Variants in ROCK2 observed in about 807,000 individuals in gnomAD.
ROCK2 encodes the protein rho-associated protein kinase 2.
A neutral mutation model predicts 195.1 loss-of-function variants in ROCK2; 61 were observed. That is an observed-to-expected ratio of 0.31 (90% CI 0.25 to 0.39). ROCK2 has a LOEUF of 0.39. Ranked by LOEUF, ROCK2 falls within the 10% of genes least tolerant of loss-of-function variation. ROCK2 has a pLI of 1.00. For synonymous variants in ROCK2, 504 were observed against 545.5 expected, an observed-to-expected ratio of 0.92 and a Z score of 1.06; for missense variants, 1,109 against 1,637.4, an observed-to-expected ratio of 0.68 and a Z score of 5.57.
At chr2:11,239,141 T>C (rs546687388) in intron 4 of ROCK2, among the ~76,000 whole-genome samples, 40 of 152,238 alleles carry the variant, frequency 2.6e-4, no homozygotes, top group Middle Eastern at 6.8e-3. Flanking sequence ...AATATCTTAA[T>C]GAACCTAGAT....
chr2:11,216,465 G>A (rs1414732297), intron 12 of ROCK2, among the ~76,000 whole-genome samples: 1 of 150,488 alleles, frequency 6.6e-6, no homozygotes, highest in African/African-American at 2.4e-5. Context: ...GATTACAGGC[G>A]TGAGTCACCG....
At chr2:11,334,451 C>A (rs1310708096) in intron 1 of ROCK2, among the ~76,000 whole-genome samples, 1 of 133,050 alleles carries the variant, frequency 7.5e-6, no homozygotes, top group Admixed American at 9.2e-5. Context: ...GCAGAGATTG[C>A]GGTGAGCCGA....
At chr2:11,213,137 A>C (rs1296393775) in intron 17 of ROCK2, among the ~76,000 whole-genome samples, 2 of 152,164 alleles carry the variant, frequency 1.3e-5, no homozygotes, top group Admixed American at 6.5e-5. Context: ...CCAACCTTTT[A>C]ATGGCTGTAC....
intron 1 of ROCK2, among the ~76,000 whole-genome samples, chr2:11,303,821 A>G (rs1667776571): frequency 6.6e-6 from 1 of 152,128 alleles, no homozygotes; most frequent in African/African-American, 2.4e-5. Context: ...TCAGTGACCT[A>G]CATGTTGCTA....
intron 1 of ROCK2, among the ~76,000 whole-genome samples, chr2:11,316,453 T>C (rs1668194862): frequency 6.6e-6 from 1 of 152,174 alleles, no homozygotes; most frequent in Non-Finnish European, 1.5e-5. Context: ...CAGCTGAGAA[T>C]GGCAAATTAT....
At position 11,192,112 on chromosome 2, in the gene ROCK2, C is replaced by A; in HGVS notation, c.4163+36G>T. 8.9e-7 allele frequency: 1 copy of A among 1,121,244 alleles called. No individual in the cohort carries two copies. The highest frequency in any genetic ancestry group is 1.6e-5 in the South Asian group (1 of 60,850). 69.5% of individuals were successfully genotyped at this position (1,121,244 alleles called of 1,614,324 possible). A position where few individuals can be genotyped will look rare whatever the true frequency, so the allele number is the denominator to read the frequency against. ...ATAAATAGCAAAATATTTTAATAGA[C>A]TTTTTTTTTTTCCTTACCACATTTT... On this transcript the variant is annotated intron_variant, in intron 32 of 32. Transcript: ENST00000315872. This position sits in a 1 kb window ranked among gnomAD's most constrained non-coding sequence, Gnocchi z 5.0.
chr2:11,317,311 G>A (rs988276836), intron 1 of ROCK2, among the ~76,000 whole-genome samples: 1 of 151,524 alleles, frequency 6.6e-6, no homozygotes, highest in African/African-American at 2.4e-5. Flanking sequence ...TAAAGCAAAG[G>A]AGTTAGAAAA....
At chr2:11,241,111 AC>A (rs1164242535) in intron 4 of ROCK2, among the ~76,000 whole-genome samples, 4 of 152,218 alleles carry the variant, frequency 2.6e-5, no homozygotes, top group South Asian at 2.1e-4. Context: ...ACATCTCCCT[AC>A]AAGGATATAT....
At chr2:11,216,049 T>TAA (rs1318710442) in intron 13 of ROCK2, 109 bp downstream of exon 13, 1 of 817,048 alleles carries the variant, frequency 1.2e-6, no homozygotes, top group African/African-American at 1.7e-5. Context: ...TACTACAAGG[T>TAA]AGGTTTCAAG....
intron 3 of ROCK2, among the ~76,000 whole-genome samples, chr2:11,257,398 T>C (rs1666074763): frequency 1.3e-5 from 2 of 151,428 alleles, no homozygotes; most frequent in South Asian, 2.1e-4. Flanking sequence ...TGGTTGAAGA[T>C]TACGTTGGAA....
intron 1 of ROCK2, among the ~76,000 whole-genome samples, chr2:11,291,069 T>TA (rs909940157): frequency 1.3e-5 from 2 of 152,134 alleles, no homozygotes; most frequent in Admixed American, 6.5e-5. Flanking sequence ...CTGTATTTTT[T>TA]AAAAAAACAT....
intron 14 of ROCK2, 42 bp downstream of exon 14, chr2:11,215,468 A>T: frequency 6.2e-7 from 1 of 1,607,402 alleles, no homozygotes; most frequent in Non-Finnish European, 8.5e-7. Context: ...ACACACACTT[A>T]ATTTTTTTCT....
intron 1 of ROCK2, among the ~76,000 whole-genome samples, chr2:11,297,735 C>CT (rs1667580390): frequency 1.3e-5 from 2 of 152,038 alleles, no homozygotes; most frequent in South Asian, 2.1e-4. Context: ...AGTATTTTAC[C>CT]TTTTTGTGGC....
chr2:11,300,138 C>T (rs1432844506), intron 1 of ROCK2, among the ~76,000 whole-genome samples: 3 of 152,176 alleles, frequency 2.0e-5, no homozygotes, highest in Admixed American at 6.5e-5. Context: ...TTTCTAAAGG[C>T]TAATTACCAA....
intron 4 of ROCK2, among the ~76,000 whole-genome samples, chr2:11,239,528 A>G (rs1665349259): frequency 6.6e-6 from 1 of 152,226 alleles, no homozygotes; most frequent in Admixed American, 6.5e-5. Flanking sequence ...CTATGTACCT[A>G]CCTAAAAGAA....
At chr2:11,262,114 G>A (rs932540938) in intron 3 of ROCK2, among the ~76,000 whole-genome samples, 1 of 152,084 alleles carries the variant, frequency 6.6e-6, no homozygotes, top group African/African-American at 2.4e-5. Context: ...TAGTCTATGA[G>A]TACCTAAAGG....
At chr2:11,208,238 C>T (rs202064470) in intron 19 of ROCK2, 49 bp downstream of exon 19, 10 of 1,099,180 alleles carry the variant, frequency 9.1e-6, no homozygotes, top group Non-Finnish European at 1.2e-5. Flanking sequence ...ATGAATAAAC[C>T]TATTAATTCA....
At chr2:11,194,162 A>C (rs1358490414) in intron 29 of ROCK2, 94 bp downstream of exon 29, 18 of 517,474 alleles carry the variant, frequency 3.5e-5, no homozygotes, top group Non-Finnish European at 5.1e-5. Flanking sequence ...ACAATATTAC[A>C]GTAGGAGCTA....
intron 1 of ROCK2, among the ~76,000 whole-genome samples, chr2:11,305,008 C>T (rs1263303634): frequency 1.3e-5 from 2 of 151,384 alleles, no homozygotes; most frequent in Non-Finnish European, 2.9e-5. Flanking sequence ...GAGGGTTGGG[C>T]ACACTACAAT....
Sources: allele counts gnomAD v4.1 joint callset (sites outside exome capture counted in the v4.1 genomes callset), GRCh38; gene constraint gnomAD v4.1.1; non-coding constraint Gnocchi (gnomAD v3.1); transcripts MANE v1.5; gene names NCBI Gene and HGNC (gene_info 2026-07-23, HGNC 2026-07-21).